Variants in RYR1 observed in about 807,000 individuals in gnomAD.
The protein encoded by RYR1 is central core disease of muscle.
Under a neutral mutation model 583.5 loss-of-function variants are expected in RYR1, and 342 were observed. That is an observed-to-expected ratio of 0.59 (90% CI 0.54 to 0.64). The LOEUF (loss-of-function observed/expected upper bound fraction) is 0.64, where lower values mean the gene tolerates loss of function less well. Among genes scored for constraint, RYR1 ranks in the 30% least tolerant of loss-of-function variants. RYR1 has a pLI of 0.00. For synonymous variants in RYR1, 2,791 were observed against 2,822.5 expected (o/e 0.99, Z 0.35); for missense variants, 6,032 against 6,917.2 (o/e 0.87, Z 4.54).
intron 101 of RYR1, among the ~76,000 whole-genome samples, chr19:38,582,461 G>A (rs556119387): frequency 6.6e-5 from 10 of 151,382 alleles, no homozygotes; most frequent in Admixed American, 2.6e-4. Context: ...TTATATAGAT[G>A]TTAGCTTCTA....
chr19:38,452,432 AAAT>A (rs139628409), intron 12 of RYR1, among the ~76,000 whole-genome samples: 42 of 152,170 alleles, frequency 2.8e-4, no homozygotes, highest in African/African-American at 9.9e-4. Flanking sequence ...CCTTCTCAAA[AAAT>A]AATAACAATA....
rs377558801 is a variant in RYR1 at position 38,440,811 on chromosome 19, G to T, written c.112G>T (p.Ala38Ser). Residue 38 changes from alanine (A) to serine (S), a missense_variant, in exon 2 of 106, where the codon GCC becomes TCC. Physicochemically the swap from Ala to Ser is moderately conservative, Grantham distance 99 (BLOSUM62 1). Transcript: ENST00000359596. ...GGAGCAGCTCAAGCTCTGCCTGGCC[G>T]CCGAGGGCTTCGGCAACCGCCTGTG... is the stretch of plus-strand genomic sequence containing the variant. ...LKEQLKLCLA[A>S]EGFGNRLCFL... is the part of the protein sequence containing the mutation. The T allele has an allele frequency of 3.4e-5, 54 of 1,609,048 alleles. No individual in the cohort carries two copies. The highest frequency in any genetic ancestry group is 4.6e-5 in the Non-Finnish European group (54 of 1,178,552).
intron 2 of RYR1, among the ~76,000 whole-genome samples, chr19:38,441,090 G>A (rs560041974): frequency 3.2e-4 from 49 of 151,966 alleles, no homozygotes; most frequent in African/African-American, 1.0e-3. Flanking sequence ...TGTGTGCACA[G>A]AAGTGTGGTA....
intron 84 of RYR1, among the ~76,000 whole-genome samples, chr19:38,541,055 A>G (rs2145766451): frequency 6.6e-6 from 1 of 152,358 alleles, no homozygotes; most frequent in Admixed American, 6.5e-5. Flanking sequence ...AATAGTGGGA[A>G]CCAACCCATC....
At chr19:38,538,038 G>A (rs531940040) in intron 84 of RYR1, 78 bp downstream of exon 84, 19 of 1,356,090 alleles carry the variant, frequency 1.4e-5, no homozygotes, top group South Asian at 2.3e-5. Flanking sequence ...ATTAGTTTCC[G>A]CCCCTCCTCC....
chr19:38,586,611 AC>A (rs748623778), intron 105 of RYR1, 35 bp downstream of exon 105: 24 of 1,598,482 alleles, frequency 1.5e-5, no homozygotes, highest in Non-Finnish European at 2.0e-5. Context: ...AGTGGGCAGG[AC>A]GTGGAGCCCT....
At position 38,529,053 on chromosome 19, in the gene RYR1, A is replaced by G. The variant is rs766915706; in HGVS notation, c.11137A>G (p.Lys3713Glu). 1 of 1,613,616 alleles carries G rather than the reference A, an allele frequency of 6.2e-7. No homozygotes were observed. Among genetic ancestry groups the G allele is most frequent in the East Asian group, 2.2e-5 (1 of 44,880 alleles). The change falls in exon 76 of 106, where the codon AAG (lysine) becomes GAG (glutamate). Residue 3713 changes from lysine (K) to glutamate (E), a missense_variant. Coordinates refer to ENST00000359596, the MANE Select transcript of RYR1 (RefSeq NM_000540.3). ...CTTCAGCCGCACTGCCCTGACGGAA[A>G]AGAGGTGAAGACTCTTGCCAGGGCC... ...LHFSRTALTE[K>E]SKLDEDYLYM...
At chr19:38,560,065 G>T (rs899649991) in intron 89 of RYR1, among the ~76,000 whole-genome samples, 3 of 152,108 alleles carry the variant, frequency 2.0e-5, no homozygotes, top group Non-Finnish European at 1.5e-5. Flanking sequence ...GAAAAGTGTT[G>T]TCTGAAAGAA....
Position 38,451,876 on chromosome 19 carries a change from A to G in RYR1, c.1235A>G (p.Gln412Arg), listed in dbSNP as rs769421466. ...MIHSTNGLYN[Q>R]FIKSLDSFSG... ...CACAGCACCAATGGCCTATACAACC[A>G]GTTCATCAAGTGAGCAACCTGCCCT... The change falls in exon 12 of 106, where the codon CAG (glutamine) becomes CGG (arginine). Residue 412 changes from glutamine to arginine, a missense_variant. By Grantham distance (43) the Gln-to-Arg change is conservative (BLOSUM62 1). Transcript: ENST00000359596. 2 of 1,614,082 alleles carry G rather than the reference A, an allele frequency of 1.2e-6. No individual in the cohort carries two copies. The highest frequency in any genetic ancestry group is 1.6e-4 in the Middle Eastern group (1 of 6,062).
intron 93 of RYR1, among the ~76,000 whole-genome samples, chr19:38,568,793 CAT>C (rs35209802): frequency 0.045 from 6,752 of 149,940 alleles, 248 homozygotes; most frequent in South Asian, 0.15. Flanking sequence ...GTGAGGGAAT[CAT>C]GTGGAACGAA....
At chr19:38,463,153 C>CCCA (rs1555772105) in intron 20 of RYR1, among the ~76,000 whole-genome samples, 1 of 78,108 alleles carries the variant, frequency 1.3e-5, no homozygotes, top group Admixed American at 1.0e-4. Flanking sequence ...CCCCCCCCCC[C>CCCA]CCACTTAGCC....
chr19:38,569,988 A>AC (rs1973638923), intron 93 of RYR1, among the ~76,000 whole-genome samples: 1 of 152,046 alleles, frequency 6.6e-6, no homozygotes, highest in Admixed American at 6.6e-5. Context: ...ACATGGTGAG[A>AC]CCCCGTCTCT....
In RYR1 at chr19:38,532,744, G is replaced by A. The variant is rs532738390; in HGVS notation, c.11259+8G>A. The stretch of plus-strand genomic sequence containing the variant: ...GTTGAGGTCTCCTTTGAGGTAGGTG[G>A]GCTCAGGAGGTCCTGGAGGGAAGGG... On this transcript the variant is annotated splice_region_variant and intron_variant, in intron 78 of 105. Transcript: ENST00000359596. 6.4e-5 allele frequency: 103 copies of A among 1,613,790 alleles called. No homozygotes were observed. The South Asian group carries it at 1.1e-3, about 17-fold the overall frequency.
In RYR1 at chr19:38,506,041, G is replaced by T. The variant is rs948604820; in HGVS notation, c.8541+95G>T. 8 of 1,528,802 alleles carry T rather than the reference G, an allele frequency of 5.2e-6. No homozygotes were observed. The Middle Eastern group carries it at 1.1e-3, about 218-fold the overall frequency. The allele number at this position is 1,528,802 out of a possible 1,614,324, so 94.7% of individuals were successfully genotyped here. ...GACAGGGAAGGGATGGAGAGGAGAG[G>T]GGCCCAGGGAGGTAGGTGGGGCAAG... On this transcript the variant is annotated intron_variant, in intron 54 of 105. Transcript: ENST00000359596.
In RYR1 at chr19:38,561,427, CA is replaced by C; in HGVS notation, c.12599del (p.Asn4200ThrfsTer10). 6.2e-7 allele frequency: 1 copy of C among 1,610,270 alleles called. No homozygotes were observed. The highest frequency in any genetic ancestry group is 8.5e-7 in the Non-Finnish European group (1 of 1,179,256). On this transcript the variant is annotated frameshift_variant, in exon 90 of 106. Transcript: ENST00000359596. LOFTEE classifies it high-confidence loss of function. This position sits in a 1 kb window ranked among gnomAD's most constrained non-coding sequence, Gnocchi z 4.8. ...ERIYFEISET[N>X]RAQWEMPQVK... Reference sequence around the variant, plus strand: ...GCATCTACTTCGAGATCTCAGAGACCAACCGCGCCCAGTGGGAGATGCCCCA... The same window carrying C: ...GCATCTACTTCGAGATCTCAGAGACCACCGCGCCCAGTGGGAGATGCCCCA...
chr19:38,460,445 C>T lies in RYR1; in HGVS notation c.2431C>T (p.His811Tyr). The stretch of plus-strand genomic sequence containing the variant: ...GCCCCCACCTGGCTATGCTCCATGC[C>T]ATGAGGCTGTGCTCCCTCGAGAGCG... ...FLPPPGYAPC[H>Y]EAVLPRERLH... The change falls in exon 20 of 106, where the codon CAT becomes TAT. Residue 811 changes from histidine (H) to tyrosine (Y), a missense_variant. Coordinates refer to ENST00000359596, the MANE Select transcript of RYR1 (RefSeq NM_000540.3). 6.2e-7 allele frequency: 1 copy of T among 1,614,230 alleles called. No individual in the cohort carries two copies. Among genetic ancestry groups the T allele is most frequent in the Non-Finnish European group, 8.5e-7 (1 of 1,180,052 alleles).
chr19:38,523,955 G>T, intron 70 of RYR1, 26 bp downstream of exon 70: 2 of 1,613,410 alleles, frequency 1.2e-6, no homozygotes, highest in Non-Finnish European at 8.5e-7. Flanking sequence ...GGGACCTTCC[G>T]CATGTCTCTT....
At chr19:38,534,922 C>A in intron 79 of RYR1, 103 bp downstream of exon 79, 1 of 1,333,966 alleles carries the variant, frequency 7.5e-7, no homozygotes, top group Non-Finnish European at 1.0e-6. Context: ...CCCCTCAATG[C>A]CTGTGGTTTG....
At chr19:38,521,930 G>A (rs1012352552) in intron 67 of RYR1, among the ~76,000 whole-genome samples, 6 of 151,756 alleles carry the variant, frequency 4.0e-5, no homozygotes, top group African/African-American at 4.8e-5. Context: ...GGATGGTCTC[G>A]ATCTCCTGAC....
Sources: gnomAD v4.1 joint callset for allele counts (sites outside exome capture counted in the v4.1 genomes callset) on GRCh38, gnomAD v4.1.1 for gene constraint, Gnocchi (gnomAD v3.1) non-coding constraint, MANE v1.5 for transcripts, NCBI Gene and HGNC (gene_info 2026-07-23, HGNC 2026-07-21) for gene names.